FUT8: variants seen among roughly 807,000 people sequenced by gnomAD.
FUT8 encodes alpha-(1,6)-fucosyltransferase.
In FUT8, 29 loss-of-function variants were observed where a neutral mutation model predicts 71.3. The observed-to-expected ratio is 0.41, with a 90% CI of 0.30 to 0.55. FUT8 has a LOEUF of 0.55. Ranked by LOEUF, FUT8 falls within the 20% of genes least tolerant of loss-of-function variation. The pLI is 0.34. For synonymous variants in FUT8, 254 were observed against 239.3 expected, an observed-to-expected ratio of 1.06 and a Z score of -0.57; for missense variants, 544 against 702.1, an observed-to-expected ratio of 0.77 and a Z score of 2.55.
At chr14:65,577,041 G>T (rs1886827121) in intron 3 of FUT8, among the ~76,000 whole-genome samples, 1 of 151,416 alleles carries the variant, frequency 6.6e-6, no homozygotes, top group Non-Finnish European at 1.5e-5. Context: ...GTAGAGATGG[G>T]GTCTCCCTAT....
In FUT8 at chr14:65,638,631, T is replaced by C. The variant is rs1890685834; in HGVS notation, c.597+9025T>C. Among the ~76,000 whole-genome samples, 1 of 152,132 alleles carries C rather than the reference T, an allele frequency of 6.6e-6. No homozygotes were observed. Among genetic ancestry groups the C allele is most frequent in the African/African-American group, 2.4e-5 (1 of 41,420 alleles). On this transcript the variant is annotated intron_variant, in intron 6 of 10. Coordinates refer to ENST00000673929, the MANE Select transcript of FUT8 (RefSeq NM_001371533.1). This position sits in a 1 kb window ranked among gnomAD's most constrained non-coding sequence, Gnocchi z 4.5. ...GCTGGGGATACATTATTGAGGCTAT[T>C]AAACATACATTTCAGCTTATGGAAC... is the stretch of plus-strand genomic sequence containing the variant.
At chr14:65,727,604 T>A (rs1377431406) in intron 9 of FUT8, among the ~76,000 whole-genome samples, 1 of 152,160 alleles carries the variant, frequency 6.6e-6, no homozygotes, top group East Asian at 1.9e-4. Context: ...TTTTTCCTCC[T>A]AAACCTCTGG....
At chr14:65,619,752 A>G (rs1025087662) in intron 5 of FUT8, among the ~76,000 whole-genome samples, 1 of 152,252 alleles carries the variant, frequency 6.6e-6, no homozygotes, top group Non-Finnish European at 1.5e-5. Context: ...AGATTTCTAA[A>G]TGATGATTTC....
At chr14:65,407,753 G>T (rs1418006342), upstream of FUT8, among the ~76,000 whole-genome samples, 1 of 152,214 alleles carries the variant, frequency 6.6e-6, no homozygotes, top group African/African-American at 2.4e-5. Context: ...GTCCAGGAAA[G>T]AATAGTTTTC....
chr14:65,611,307 C>CCCCT lies in FUT8; in HGVS notation c.204-4671_204-4670insCCCT, dbSNP rs112511336. 2.9e-5 allele frequency among the ~76,000 whole-genome samples: 3 copies of CCCCT among 102,414 alleles called. 1 individual carries two copies. Among genetic ancestry groups the CCCCT allele is most frequent in the African/African-American group, 1.3e-4 (3 of 23,444 alleles). 67.2% of individuals were successfully genotyped at this position (102,414 alleles called of 152,430 possible). A position where few individuals can be genotyped will look rare whatever the true frequency, so the allele number is the denominator to read the frequency against. On this transcript the variant is annotated intron_variant, in intron 3 of 10. Transcript: ENST00000673929. Reference sequence around the variant, plus strand: ...CACACACACACACACACACACCCCCCAAGTAATAGCCTTGATTTTGCTTGT... The same window carrying CCCCT: ...CACACACACACACACACACACCCCCCCCCTAAGTAATAGCCTTGATTTTGCTTGT...
At chr14:65,736,932 A>G (rs1051985308) in intron 10 of FUT8, among the ~76,000 whole-genome samples, 2 of 152,104 alleles carry the variant, frequency 1.3e-5, no homozygotes, top group African/African-American at 4.8e-5. Context: ...CTATCCTTTC[A>G]GGAATTTTAT....
chr14:65,431,145 G>A (rs191959383), intron 1 of FUT8, among the ~76,000 whole-genome samples: 21 of 149,760 alleles, frequency 1.4e-4, no homozygotes, highest in South Asian at 6.4e-4. Flanking sequence ...ACAGGCATGC[G>A]CCACTATACC....
intron 9 of FUT8, among the ~76,000 whole-genome samples, chr14:65,729,801 T>G (rs1001090454): frequency 6.6e-6 from 1 of 152,230 alleles, no homozygotes; most frequent in Admixed American, 6.5e-5. Flanking sequence ...CAGAATTTCC[T>G]CCTTGTAGCC....
At chr14:65,611,795 G>A (rs565432595) in intron 3 of FUT8, among the ~76,000 whole-genome samples, 20 of 152,046 alleles carry the variant, frequency 1.3e-4, no homozygotes, top group African/African-American at 4.8e-4. Flanking sequence ...TGAGTAGCTG[G>A]GATTACAGAC....
rs961047322 is a variant in FUT8 at position 65,638,202 on chromosome 14, G to A, written c.597+8596G>A. On this transcript the variant is annotated intron_variant, in intron 6 of 10. Transcript: ENST00000673929. The surrounding 1 kb of genome is among the most constrained non-coding windows in gnomAD (Gnocchi z 4.5). ...CATTGTCCTTCTCCCAAGACCCTCC[G>A]TCTCTATCTGCCTAACCAGCCCCTA... 2.0e-5 allele frequency among the ~76,000 whole-genome samples: 3 copies of A among 152,026 alleles called. No individual in the cohort carries two copies. The highest frequency in any genetic ancestry group is 6.6e-5 in the Admixed American group (1 of 15,256).
chr14:65,718,613 A>T (rs1426571735), intron 7 of FUT8, among the ~76,000 whole-genome samples: 2 of 152,122 alleles, frequency 1.3e-5, no homozygotes, highest in Non-Finnish European at 2.9e-5. Flanking sequence ...TTTCCTTCAA[A>T]TTGAAGGATT....
intron 3 of FUT8, among the ~76,000 whole-genome samples, chr14:65,596,642 TTA>T (rs1887995900): frequency 6.6e-6 from 1 of 152,178 alleles, no homozygotes; most frequent in South Asian, 2.1e-4. Flanking sequence ...ACCAATACCT[TTA>T]GGGTAGCATA....
chr14:65,647,879 TA>T (rs546087805), intron 6 of FUT8, among the ~76,000 whole-genome samples: 410 of 143,538 alleles, frequency 2.9e-3, no homozygotes, highest in Admixed American at 4.0e-3. Context: ...CATTAAAGGT[TA>T]AAAAAAAAAA....
At chr14:65,741,087 A>G (rs1779078846) in intron 10 of FUT8, among the ~76,000 whole-genome samples, 2 of 151,908 alleles carry the variant, frequency 1.3e-5, no homozygotes, top group Middle Eastern at 3.2e-3. Context: ...TCTTTTCACA[A>G]TGTATAAATT....
At chr14:65,685,630 AT>A (rs1489701520) in intron 7 of FUT8, among the ~76,000 whole-genome samples, 1 of 152,208 alleles carries the variant, frequency 6.6e-6, no homozygotes, top group Non-Finnish European at 1.5e-5. Context: ...CTGGTTGCCC[AT>A]TTTTATGATT....
At position 65,550,398 on chromosome 14, in the gene FUT8, G is replaced by A. The variant is rs1254949382; in HGVS notation, c.-227-10939G>A. ...CCCAGAACACTTATATTAGCCTACA[G>A]TTGGACAAAATCATTTAACACAAAA... On this transcript the variant is annotated intron_variant, in intron 2 of 10. Coordinates refer to ENST00000673929, the MANE Select transcript of FUT8 (RefSeq NM_001371533.1). The surrounding 1 kb of genome is among the most constrained non-coding windows in gnomAD (Gnocchi z 4.5). Among the ~76,000 whole-genome samples, 1 of 152,166 alleles carries A rather than the reference G, an allele frequency of 6.6e-6. No individual in the cohort carries two copies. The highest frequency in any genetic ancestry group is 2.4e-5 in the African/African-American group (1 of 41,440).
chr14:65,439,960 A>G (rs201912566), intron 1 of FUT8, among the ~76,000 whole-genome samples: 2,642 of 60,454 alleles, frequency 0.044, 123 homozygotes, highest in Non-Finnish European at 0.071. Context: ...GTGTGTATAT[A>G]TATATATATA....
intron 2 of FUT8, among the ~76,000 whole-genome samples, chr14:65,544,940 CCT>C (rs1238907055): frequency 1.3e-5 from 2 of 151,450 alleles, no homozygotes; most frequent in Admixed American, 1.3e-4. Flanking sequence ...TCTTTTCCTC[CCT>C]GTCTTACCCT....
At chr14:65,633,777 C>T (rs879720748) in intron 6 of FUT8, among the ~76,000 whole-genome samples, 212 of 148,734 alleles carry the variant, frequency 1.4e-3, no homozygotes, top group Non-Finnish European at 2.6e-3. Context: ...GGAGCCCCTC[C>T]GCCCGGCAGC....
Sources: allele counts gnomAD v4.1 joint callset (sites outside exome capture counted in the v4.1 genomes callset), GRCh38; gene constraint gnomAD v4.1.1; non-coding constraint Gnocchi (gnomAD v3.1); transcripts MANE v1.5; gene names NCBI Gene and HGNC (gene_info 2026-07-23, HGNC 2026-07-21).